Variants in RPH3A observed in about 807,000 individuals in gnomAD.
The protein encoded by RPH3A is rabphilin-3A.
A neutral mutation model predicts 102.2 loss-of-function variants in RPH3A; 48 were observed. That is an observed-to-expected ratio of 0.47 (90% CI 0.37 to 0.60). RPH3A has a LOEUF of 0.60. Ranked by LOEUF, RPH3A falls within the 20% of genes least tolerant of loss-of-function variation. The pLI is 0.00. For missense variants in RPH3A, 781 were observed against 910.1 expected (o/e 0.86, Z 1.83); for synonymous variants, 310 against 324.3 (o/e 0.96, Z 0.47).
At chr12:112,689,217 C>T (rs1257358696) in intron 1 of RPH3A, among the ~76,000 whole-genome samples, 1 of 152,136 alleles carries the variant, frequency 6.6e-6, no homozygotes, top group African/African-American at 2.4e-5. Flanking sequence ...CAAAACTTGA[C>T]CATGGAATTG....
At position 112,881,465 on chromosome 12, in the gene RPH3A, T is replaced by C. The variant is rs116244789; in HGVS notation, c.1252-307T>C. Among the ~76,000 whole-genome samples, 653 of 152,306 alleles carry C rather than the reference T, an allele frequency of 4.3e-3. 1 individual carries two copies. The highest frequency in any genetic ancestry group is 0.015 in the African/African-American group (614 of 41,558). Reference sequence around the variant, plus strand: ...TTATAGGTGGAATTGCATTTAAATCTCACCACCTCATGAAGCGGGTACTGT... The same window carrying C: ...TTATAGGTGGAATTGCATTTAAATCCCACCACCTCATGAAGCGGGTACTGT... On this transcript the variant is annotated intron_variant, in intron 14 of 21. Coordinates refer to ENST00000389385, the MANE Select transcript of RPH3A (RefSeq NM_001143854.2).
intron 4 of RPH3A, among the ~76,000 whole-genome samples, chr12:112,841,303 G>A (rs934127765): frequency 6.6e-6 from 1 of 151,880 alleles, no homozygotes; most frequent in Admixed American, 6.6e-5. Context: ...GTTAAGATGA[G>A]GGGGGCAGGG....
intron 10 of RPH3A, among the ~76,000 whole-genome samples, chr12:112,870,611 C>A (rs2042692439): frequency 6.6e-6 from 1 of 152,150 alleles, no homozygotes; most frequent in African/African-American, 2.4e-5. Flanking sequence ...TCCATGGCCC[C>A]TTGTCTGAGA....
chr12:112,733,401 T>G (rs781057732), intron 1 of RPH3A, among the ~76,000 whole-genome samples: 1 of 151,894 alleles, frequency 6.6e-6, no homozygotes, highest in African/African-American at 2.4e-5. Context: ...AGACACATAG[T>G]TAGGGGTGCA....
At chr12:112,807,017 C>T (rs1200512069) in intron 2 of RPH3A, among the ~76,000 whole-genome samples, 1 of 151,910 alleles carries the variant, frequency 6.6e-6, no homozygotes, top group African/African-American at 2.4e-5. Context: ...TACAAAGGCC[C>T]TGAGGTAGCA....
intron 2 of RPH3A, among the ~76,000 whole-genome samples, chr12:112,792,474 G>A (rs537847569): frequency 6.6e-6 from 1 of 152,322 alleles, no homozygotes; most frequent in South Asian, 2.1e-4. Context: ...CCCAGGGAGG[G>A]GGTAAAATGT....
At chr12:112,826,104 G>T (rs11066427) in intron 2 of RPH3A, among the ~76,000 whole-genome samples, 1 of 118,312 alleles carries the variant, frequency 8.5e-6, no homozygotes, top group Non-Finnish European at 1.9e-5. Flanking sequence ...CACCGACCCC[G>T]CTGTGGGAGC....
chr12:112,890,948 T>C lies in RPH3A; in HGVS notation c.1720T>C (p.Cys574Arg). ...QGGLIVGIIRCVHLAAMDANG... is the reference protein window; with the variant it reads ...QGGLIVGIIRRVHLAAMDANG... ...AGGCCTCATTGTGGGCATCATACGC[T>C]GCGTGCACCTGGCTGCCATGGACGC... Residue 574 changes from cysteine to arginine, a missense_variant, in exon 19 of 22, where the codon TGC becomes CGC. Physicochemically the swap from Cys to Arg is radical, Grantham distance 180. Coordinates refer to ENST00000389385, the MANE Select transcript of RPH3A (RefSeq NM_001143854.2). The C allele has an allele frequency of 6.2e-7, 1 of 1,614,170 alleles. No homozygotes were observed. The highest frequency in any genetic ancestry group is 1.7e-5 in the Admixed American group (1 of 60,020).
In RPH3A at chr12:112,847,625, G is replaced by A; in HGVS notation, c.84-71G>A. 6 of 1,529,072 alleles carry A rather than the reference G, an allele frequency of 3.9e-6. No homozygotes were observed. In the South Asian group the frequency reaches 7.3e-5, roughly 19 times the overall value. The allele number at this position is 1,529,072 out of a possible 1,614,324, so 94.7% of individuals were successfully genotyped here. On this transcript the variant is annotated intron_variant, in intron 4 of 21. Coordinates refer to ENST00000389385, the MANE Select transcript of RPH3A (RefSeq NM_001143854.2). ...CCTTTTGTCCACAGTTTCCCAGACA[G>A]TGAGTTTCCCGGCAGGAATTTGAAC...
intron 1 of RPH3A, among the ~76,000 whole-genome samples, chr12:112,647,603 G>A (rs1566241438): frequency 7.4e-6 from 1 of 135,056 alleles, no homozygotes; most frequent in East Asian, 2.1e-4. Context: ...GTGTGTGTGT[G>A]TATGTGTGTG....
chr12:112,715,407 T>G (rs1592959573), intron 1 of RPH3A, among the ~76,000 whole-genome samples: 2 of 152,178 alleles, frequency 1.3e-5, no homozygotes, highest in African/African-American at 4.8e-5. Context: ...TGCTTATTTA[T>G]GTATTGCCTT....
rs564898763 is a variant in RPH3A at position 112,632,040 on chromosome 12, A to G, written c.-140+56721A>G. On this transcript the variant is annotated intron_variant, in intron 1 of 21. Transcript: ENST00000543106. ...GAACCTGGTGGGAGATGATTGAATT[A>G]TGGGGGTAGGTCTTTCCTGCACTGT... 3.3e-5 allele frequency among the ~76,000 whole-genome samples: 5 copies of G among 152,254 alleles called. No individual in the cohort carries two copies. The South Asian group carries it at 1.0e-3, about 32-fold the overall frequency.
rs1328306669 is a variant in RPH3A at position 112,876,677 on chromosome 12, C to T, written c.982C>T (p.Pro328Ser). Residue 328 changes from proline (P) to serine (S), a missense_variant, in exon 13 of 22, where the codon CCC becomes TCC. Physicochemically the swap from Pro to Ser is moderately conservative, Grantham distance 74. Coordinates refer to ENST00000389385, the MANE Select transcript of RPH3A (RefSeq NM_001143854.2). The part of the protein sequence containing the change: ...APSDPGTTAP[P>S]REERTGGVGG... ...GAGCGACCCTGGGACCACTGCCCCA[C>T]CCCGAGAGGAGAGAACAGGGGGAGT... The T allele has an allele frequency of 1.9e-6, 3 of 1,612,898 alleles. No individual in the cohort carries two copies. The highest frequency in any genetic ancestry group is 3.3e-5 in the Admixed American group (2 of 59,908).
chr12:112,872,775 A>G (rs1374902577), intron 10 of RPH3A, among the ~76,000 whole-genome samples: 1 of 152,200 alleles, frequency 6.6e-6, no homozygotes, highest in Non-Finnish European at 1.5e-5. Context: ...CTGAGGACAA[A>G]GACAGTCATA....
chr12:112,851,793 T>C (rs1264674202), intron 5 of RPH3A, among the ~76,000 whole-genome samples: 1 of 152,218 alleles, frequency 6.6e-6, no homozygotes, highest in African/African-American at 2.4e-5. Flanking sequence ...AACCTCATTT[T>C]GCCCCCACAT....
At chr12:112,843,621 T>C (rs2042183335) in intron 4 of RPH3A, among the ~76,000 whole-genome samples, 1 of 152,226 alleles carries the variant, frequency 6.6e-6, no homozygotes, top group South Asian at 2.1e-4. Context: ...TAGGTCAGGC[T>C]GGCTCCTGAC....
intron 1 of RPH3A, among the ~76,000 whole-genome samples, chr12:112,752,491 T>G (rs754915737): frequency 6.6e-6 from 1 of 152,170 alleles, no homozygotes; most frequent in Non-Finnish European, 1.5e-5. Context: ...CTAATACGTA[T>G]CTCTTGTATG....
At chr12:112,631,420 C>T (rs1030747024) in intron 1 of RPH3A, among the ~76,000 whole-genome samples, 4 of 152,080 alleles carry the variant, frequency 2.6e-5, no homozygotes, top group African/African-American at 9.7e-5. Context: ...TTCTGTTTTT[C>T]AATGGGGTAA....
intron 2 of RPH3A, among the ~76,000 whole-genome samples, chr12:112,810,220 T>C (rs1422748872): frequency 1.3e-5 from 2 of 152,218 alleles, no homozygotes; most frequent in Non-Finnish European, 2.9e-5. Flanking sequence ...AGTACTCACT[T>C]GTCCTCAGCT....
Sources: gnomAD v4.1 joint callset for allele counts (sites outside exome capture counted in the v4.1 genomes callset) on GRCh38, gnomAD v4.1.1 for gene constraint, MANE v1.5 for transcripts, NCBI Gene and HGNC (gene_info 2026-07-23, HGNC 2026-07-21) for gene names.